Variants in PTPRK observed in about 807,000 individuals in gnomAD.
PTPRK encodes the protein protein tyrosine phosphatase receptor type K, also known as receptor-type tyrosine-protein phosphatase kappa.
PTPRK carries 75 observed loss-of-function variants against 178.0 expected under a neutral mutation model. The ratio of observed to expected loss-of-function variants is 0.42; its 90% CI spans 0.35 to 0.51. The LOEUF (loss-of-function observed/expected upper bound fraction) is 0.51, where lower values mean the gene tolerates loss of function less well. PTPRK is among the 20% of genes least tolerant of loss of function. The pLI, the probability that PTPRK is intolerant of heterozygous loss-of-function variation, is 0.02. For synonymous variants in PTPRK, 637 were observed against 620.6 expected (o/e 1.03, Z -0.39); for missense variants, 1,441 against 1,797.8 (o/e 0.80, Z 3.59).
At chr6:128,357,917 A>C (rs553573284) in intron 2 of PTPRK, among the ~76,000 whole-genome samples, 29 of 152,324 alleles carry the variant, frequency 1.9e-4, no homozygotes, top group African/African-American at 7.0e-4. Flanking sequence ...GATGTTATAC[A>C]GACATTACAT....
At chr6:128,449,753 T>C (rs1847515179) in intron 1 of PTPRK, among the ~76,000 whole-genome samples, 1 of 152,148 alleles carries the variant, frequency 6.6e-6, no homozygotes, top group African/African-American at 2.4e-5. Flanking sequence ...TTTGCCCATA[T>C]GCTTACTTTG....
At chr6:127,986,474 C>T (rs917139162) in intron 21 of PTPRK, among the ~76,000 whole-genome samples, 1 of 152,110 alleles carries the variant, frequency 6.6e-6, no homozygotes, top group East Asian at 1.9e-4. Flanking sequence ...TTTATAGTAA[C>T]AAAAATACAA....
chr6:128,018,759 AT>A (rs1457128291), intron 13 of PTPRK, among the ~76,000 whole-genome samples: 2 of 152,106 alleles, frequency 1.3e-5, no homozygotes, highest in Non-Finnish European at 2.9e-5. Context: ...CTAAATCTAG[AT>A]TTCTGCACCA....
At chr6:128,518,325 G>A (rs6923822) in intron 1 of PTPRK, among the ~76,000 whole-genome samples, 28,845 of 152,096 alleles carry the variant, frequency 0.19, 3,387 homozygotes, top group African/African-American at 0.33. Context: ...TTTATTGTAC[G>A]TATCTAAACT....
chr6:128,317,472 G>GATATAT (rs1048655561), intron 3 of PTPRK, among the ~76,000 whole-genome samples: 11 of 151,690 alleles, frequency 7.3e-5, no homozygotes, highest in African/African-American at 2.7e-4. Context: ...TTCATTGGTA[G>GATATAT]ATATATATTT....
At chr6:128,327,598 C>T (rs1829747559) in intron 2 of PTPRK, among the ~76,000 whole-genome samples, 1 of 152,124 alleles carries the variant, frequency 6.6e-6, no homozygotes, top group African/African-American at 2.4e-5. Context: ...TTATACATTG[C>T]TTTTGTGCCA....
chr6:128,452,173 C>A (rs1222613345), intron 1 of PTPRK, among the ~76,000 whole-genome samples: 1 of 152,122 alleles, frequency 6.6e-6, no homozygotes, highest in African/African-American at 2.4e-5. Flanking sequence ...CTAGTGCCAC[C>A]TTTCATCTCT....
intron 2 of PTPRK, among the ~76,000 whole-genome samples, chr6:128,332,160 A>C (rs1285284475): frequency 6.6e-6 from 1 of 152,134 alleles, no homozygotes; most frequent in African/African-American, 2.4e-5. Flanking sequence ...CCCCTACTAC[A>C]TCTTAAGGAG....
chr6:128,185,988 G>T (rs1278718683), intron 6 of PTPRK, among the ~76,000 whole-genome samples: 1 of 152,052 alleles, frequency 6.6e-6, no homozygotes, highest in Non-Finnish European at 1.5e-5. Flanking sequence ...ATAGTTTCTA[G>T]CTTAAAAGCC....
intron 7 of PTPRK, among the ~76,000 whole-genome samples, chr6:128,139,429 C>T (rs1246137822): frequency 1.3e-5 from 2 of 151,954 alleles, no homozygotes; most frequent in African/African-American, 4.8e-5. Context: ...TTTCATGAAA[C>T]TATAGTTTAA....
intron 3 of PTPRK, among the ~76,000 whole-genome samples, chr6:128,300,806 C>A (rs1825472365): frequency 6.6e-6 from 1 of 151,944 alleles, no homozygotes. Context: ...CACATGTATA[C>A]ATATGTAACT....
intron 2 of PTPRK, among the ~76,000 whole-genome samples, chr6:128,371,774 G>A (rs767463814): frequency 6.6e-6 from 1 of 152,074 alleles, no homozygotes; most frequent in Non-Finnish European, 1.5e-5. Context: ...ACTGGGGGAA[G>A]GGGAGGCAGG....
chr6:128,396,770 C>T (rs184976267), intron 2 of PTPRK, among the ~76,000 whole-genome samples: 10 of 152,182 alleles, frequency 6.6e-5, no homozygotes, highest in Non-Finnish European at 1.0e-4. Flanking sequence ...GAGGCCGAGG[C>T]GGGCGGATCA....
rs1402703930 is a variant in PTPRK, at chr6:127,998,707, A to G, written c.2679+13T>C. 6.5e-7 allele frequency: 1 copy of G among 1,547,052 alleles called. No homozygotes were observed. The highest frequency in any genetic ancestry group is 8.8e-7 in the Non-Finnish European group (1 of 1,141,122). ...TAAAAATCAAATTCAATACAGTATC[A>G]AAACTTATTCACCTCATATTCCTCT... On this transcript the variant is annotated intron_variant, in intron 16 of 29. Coordinates refer to ENST00000368226, the MANE Select transcript of PTPRK (RefSeq NM_002844.4).
intron 1 of PTPRK, among the ~76,000 whole-genome samples, chr6:128,434,729 A>C (rs1845283274): frequency 6.6e-6 from 1 of 152,170 alleles, no homozygotes; most frequent in South Asian, 2.1e-4. Context: ...GAGCTATTTC[A>C]CTTCAGGAAA....
chr6:128,330,909 A>G (rs772745843), intron 2 of PTPRK, among the ~76,000 whole-genome samples: 3 of 151,874 alleles, frequency 2.0e-5, no homozygotes, highest in Non-Finnish European at 2.9e-5. Flanking sequence ...ACAAAAAAAC[A>G]CCTAAGTTTA....
chr6:128,192,916 G>C (rs1583417025), intron 6 of PTPRK, among the ~76,000 whole-genome samples: 2 of 149,584 alleles, frequency 1.3e-5, no homozygotes, highest in South Asian at 4.3e-4. Flanking sequence ...AAGAGAAGAA[G>C]GGAGAAAGGG....
At chr6:128,321,843 G>GA (rs1213178082) in intron 3 of PTPRK, 196 bp downstream of exon 3, 1 of 755,298 alleles carries the variant, frequency 1.3e-6, no homozygotes, top group Admixed American at 2.0e-5. Context: ...ACAGGGTGGG[G>GA]AAGAAAGAGG....
rs552406890 is a variant in PTPRK at position 128,499,232 on chromosome 6, C to T, written c.100+21027G>A. Among the ~76,000 whole-genome samples, 9 of 152,170 alleles carry T rather than the reference C, an allele frequency of 5.9e-5. No homozygotes were observed. In the South Asian group the frequency reaches 1.7e-3, roughly 28 times the overall value. The stretch of plus-strand genomic sequence containing the variant: ...AACAAAAGACTGTGTAAAAAGTACT[C>T]AACAGGACTGATCTCTACAAGTGAA... On this transcript the variant is annotated intron_variant, in intron 1 of 29. Coordinates refer to ENST00000368226, the MANE Select transcript of PTPRK (RefSeq NM_002844.4).
Sources: allele counts gnomAD v4.1 joint callset (sites outside exome capture counted in the v4.1 genomes callset), GRCh38; gene constraint gnomAD v4.1.1; transcripts MANE v1.5; gene names NCBI Gene and HGNC (gene_info 2026-07-23, HGNC 2026-07-21).